Variants in DLGAP2 observed in about 807,000 individuals in gnomAD.
DLGAP2 encodes disks large-associated protein 2.
In DLGAP2, 26 loss-of-function variants were observed where a neutral mutation model predicts 100.3. That is an observed-to-expected ratio of 0.26 (90% CI 0.19 to 0.36). DLGAP2 has a LOEUF of 0.36. Ranked by LOEUF, DLGAP2 falls within the 10% of genes least tolerant of loss-of-function variation. The pLI, the probability that DLGAP2 is intolerant of heterozygous loss-of-function variation, is 1.00. For missense variants in DLGAP2, 1,858 were observed against 1,453.2 expected, an observed-to-expected ratio of 1.28 and a Z score of -4.53; for synonymous variants, 886 against 630.1, an observed-to-expected ratio of 1.41 and a Z score of -6.08.
chr8:947,462 T>TA (rs1216642559), intron 2 of DLGAP2, among the ~76,000 whole-genome samples: 1 of 152,210 alleles, frequency 6.6e-6, no homozygotes, highest in Non-Finnish European at 1.5e-5. Context: ...GCCCTGCCCT[T>TA]ACACGAAGCG....
chr8:1,054,870 T>C (rs572137027), intron 2 of DLGAP2, among the ~76,000 whole-genome samples: 1 of 152,358 alleles, frequency 6.6e-6, no homozygotes, highest in African/African-American at 2.4e-5. Flanking sequence ...TATCAACTGT[T>C]TTCATTAATG....
intron 3 of DLGAP2, among the ~76,000 whole-genome samples, chr8:1,313,665 A>T (rs544043664): frequency 1.3e-5 from 2 of 152,170 alleles, no homozygotes; most frequent in African/African-American, 4.8e-5. Flanking sequence ...GTCCCGGGAT[A>T]CCTCAAGTCC....
chr8:1,462,422 C>G (rs1798485420), intron 3 of DLGAP2, among the ~76,000 whole-genome samples: 1 of 97,110 alleles, frequency 1.0e-5, no homozygotes, highest in Admixed American at 1.2e-4. Flanking sequence ...GCTGCTGTCA[C>G]AGGACTGGGT....
At chr8:1,198,765 A>T (rs1797807208) in intron 2 of DLGAP2, among the ~76,000 whole-genome samples, 2 of 152,180 alleles carry the variant, frequency 1.3e-5, no homozygotes, top group African/African-American at 4.8e-5. Flanking sequence ...ACCACACCTG[A>T]ACGATGCTTC....
chr8:873,508 TCTAA>T (rs1797636393), intron 1 of DLGAP2, among the ~76,000 whole-genome samples: 1 of 152,222 alleles, frequency 6.6e-6, no homozygotes, highest in Admixed American at 6.5e-5. Context: ...TCCTTCTATT[TCTAA>T]CTTATTGCTT....
chr8:1,045,794 T>G (rs181135458), intron 2 of DLGAP2, among the ~76,000 whole-genome samples: 1 of 152,272 alleles, frequency 6.6e-6, no homozygotes. Flanking sequence ...ACATAGTAAG[T>G]GCTCAGCAAA....
At chr8:811,069 C>G (rs1796361379) in intron 1 of DLGAP2, among the ~76,000 whole-genome samples, 1 of 152,206 alleles carries the variant, frequency 6.6e-6, no homozygotes, top group African/African-American at 2.4e-5. Context: ...TTGGTCGTGA[C>G]CCTGATTTCT....
At chr8:1,048,787 C>A (rs1802590295) in intron 2 of DLGAP2, among the ~76,000 whole-genome samples, 1 of 152,036 alleles carries the variant, frequency 6.6e-6, no homozygotes, top group African/African-American at 2.4e-5. Context: ...GACAGCCACC[C>A]TCTCCTGTGT....
At chr8:1,607,514 A>G (rs1796837950) in intron 6 of DLGAP2, among the ~76,000 whole-genome samples, 1 of 152,230 alleles carries the variant, frequency 6.6e-6, no homozygotes, top group Non-Finnish European at 1.5e-5. Flanking sequence ...CAATTTGAGG[A>G]AAATAAGATT....
At chr8:1,672,192 T>C (rs1045446041) in intron 10 of DLGAP2, among the ~76,000 whole-genome samples, 4 of 151,842 alleles carry the variant, frequency 2.6e-5, no homozygotes, top group Non-Finnish European at 5.9e-5. Context: ...CCTTTATAAA[T>C]GAGATCAGTT....
At chr8:1,075,051 C>T (rs1194900387) in intron 2 of DLGAP2, among the ~76,000 whole-genome samples, 2 of 151,888 alleles carry the variant, frequency 1.3e-5, no homozygotes, top group Admixed American at 6.6e-5. Flanking sequence ...CACAACAGTG[C>T]AGCGGGGGGT....
chr8:1,003,825 C>T (rs1450653977), intron 2 of DLGAP2, among the ~76,000 whole-genome samples: 1 of 152,158 alleles, frequency 6.6e-6, no homozygotes, highest in African/African-American at 2.4e-5. Flanking sequence ...AAGTGGGAAC[C>T]ATTGAGTTAA....
At chr8:1,040,465 G>A (rs562834602) in intron 2 of DLGAP2, among the ~76,000 whole-genome samples, 130 of 148,142 alleles carry the variant, frequency 8.8e-4, no homozygotes, top group African/African-American at 3.2e-3. Flanking sequence ...TGGTCGTCTC[G>A]GTGTGCATGG....
At chr8:1,599,221 G>A (rs1022205182) in intron 6 of DLGAP2, among the ~76,000 whole-genome samples, 1 of 152,174 alleles carries the variant, frequency 6.6e-6, no homozygotes, top group African/African-American at 2.4e-5. Flanking sequence ...ATTGCACTGT[G>A]GTCGGAGAGA....
intron 3 of DLGAP2, among the ~76,000 whole-genome samples, chr8:1,347,328 C>G (rs529190864): frequency 6.6e-6 from 1 of 151,814 alleles, no homozygotes; most frequent in African/African-American, 2.4e-5. Context: ...AGCTGCATTG[C>G]TCTCATGGTA....
chr8:815,664 C>G (rs1274617362), intron 1 of DLGAP2, among the ~76,000 whole-genome samples: 1 of 152,082 alleles, frequency 6.6e-6, no homozygotes, highest in African/African-American at 2.4e-5. Flanking sequence ...AACAATAATA[C>G]TAGAAGAAGA....
chr8:1,084,191 G>C (rs1803899620), intron 2 of DLGAP2, among the ~76,000 whole-genome samples: 1 of 152,156 alleles, frequency 6.6e-6, no homozygotes, highest in Admixed American at 6.5e-5. Context: ...GGTCTAGTCT[G>C]TCAAACTACC....
chr8:1,480,817 G>C (rs951922104), intron 3 of DLGAP2, among the ~76,000 whole-genome samples: 1 of 151,350 alleles, frequency 6.6e-6, no homozygotes, highest in African/African-American at 2.4e-5. Context: ...AGTGAGCTGA[G>C]ATCACGCCAT....
chr8:1,202,850 G>A (rs1289056895), intron 2 of DLGAP2, among the ~76,000 whole-genome samples: 1 of 152,220 alleles, frequency 6.6e-6, no homozygotes, highest in Non-Finnish European at 1.5e-5. Context: ...AAGCAGCCAT[G>A]TCTTGTCTGA....
Sources: gnomAD v4.1 joint callset for allele counts (sites outside exome capture counted in the v4.1 genomes callset) on GRCh38, gnomAD v4.1.1 for gene constraint, MANE v1.5 for transcripts, NCBI Gene and HGNC (gene_info 2026-07-23, HGNC 2026-07-21) for gene names.